Variants in ADCY7 observed in about 807,000 individuals in gnomAD.
ADCY7 encodes the protein adenylate cyclase 7.
ADCY7 carries 72 observed loss-of-function variants against 120.6 expected under a neutral mutation model. That is an observed-to-expected ratio of 0.60 (90% CI 0.49 to 0.73). The LOEUF is 0.73. Among genes scored for constraint, ADCY7 ranks in the 30% least tolerant of loss-of-function variants. The pLI, the probability that ADCY7 is intolerant of heterozygous loss-of-function variation, is 0.00. For synonymous variants in ADCY7, 661 were observed against 628.0 expected, an observed-to-expected ratio of 1.05 and a Z score of -0.78; for missense variants, 1,227 against 1,486.0, an observed-to-expected ratio of 0.83 and a Z score of 2.87.
intron 15 of ADCY7, 88 bp downstream of exon 15, chr16:50,307,235 G>T: frequency 7.6e-7 from 1 of 1,319,586 alleles, no homozygotes; most frequent in Non-Finnish European, 1.1e-6. Flanking sequence ...TGTGTGATTT[G>T]GGCTGGAAGG....
At position 50,304,939 on chromosome 16, in the gene ADCY7, C is replaced by T; in HGVS notation, c.1575C>T (p.Arg525=). The T allele has an allele frequency of 1.2e-6, 2 of 1,613,568 alleles. No individual in the cohort carries two copies. The highest frequency in any genetic ancestry group is 2.2e-5 in the East Asian group (1 of 44,872). Residue 525 remains arginine (R), a synonymous_variant, in exon 12 of 26, where the codon CGC becomes CGT. Transcript: ENST00000673801. ...TTCCCTTTCAGAGCGTTCCCCAGCG[C>T]CACCGCCGGACCCCAGACAGGTGCG... ...NGRRPKSVPQ[R]HRRTPDRSMS...
Position 50,313,938 on chromosome 16 carries a change from C to T in ADCY7, c.2752-20C>T, listed in dbSNP as rs113350032. 8.7e-5 allele frequency: 140 copies of T among 1,600,308 alleles called. No homozygotes were observed. Among genetic ancestry groups the T allele is most frequent in the Middle Eastern group, 5.0e-4 (3 of 5,974 alleles). On this transcript the variant is annotated intron_variant, in intron 22 of 25. Coordinates refer to ENST00000673801, the MANE Select transcript of ADCY7 (RefSeq NM_001114.5). Reference sequence around the variant, plus strand: ...GGCTATGGAGTGGCGGCTGCTTCACCGCTTCCTTCTTGCCTGCAGCTCCTA... The same window carrying T: ...GGCTATGGAGTGGCGGCTGCTTCACTGCTTCCTTCTTGCCTGCAGCTCCTA...
rs370811647 is a variant in ADCY7, at chr16:50,311,967, TAGG to T, written c.2449-66_2449-64del. 1.7e-4 allele frequency: 265 copies of T among 1,596,866 alleles called. No individual in the cohort carries two copies. The East Asian group carries it at 4.5e-3, about 27-fold the overall frequency. On this transcript the variant is annotated intron_variant, in intron 20 of 25. Transcript: ENST00000673801. ...GACGCCAGGGACAGACAGACCTGGC[TAGG>T]AGATGCACAGCAGCACGGCTCCCAC...
chr16:50,308,853 G>T (rs367774893), intron 17 of ADCY7, 61 bp downstream of exon 17: 9 of 1,531,506 alleles, frequency 5.9e-6, no homozygotes, highest in Middle Eastern at 3.5e-4. Context: ...GATTTGGGAC[G>T]CCTACAATGT....
chr16:50,311,400 C>T (rs1409534090), intron 19 of ADCY7, among the ~76,000 whole-genome samples: 2 of 152,208 alleles, frequency 1.3e-5, no homozygotes, highest in Admixed American at 6.5e-5. Flanking sequence ...CACCCCACCC[C>T]GCCTGCCACT....
At chr16:50,248,139 A>C (rs528377671) in intron 1 of ADCY7, among the ~76,000 whole-genome samples, 1 of 152,316 alleles carries the variant, frequency 6.6e-6, no homozygotes, top group East Asian at 1.9e-4. Flanking sequence ...CACATCAGCG[A>C]GCCTGAGCTC....
chr16:50,305,830 A>T lies in ADCY7; in HGVS notation c.1733A>T (p.Glu578Val). ...DFYTFGSIFLEKGFEREYRLA... is the reference protein window; with the variant it reads ...DFYTFGSIFLVKGFEREYRLA... Reference sequence around the variant, plus strand: ...TACACCTTTGGGTCCATCTTCCTGGAGAAGGGCTTTGAGCGCGAGGTGAGG... The same window carrying T: ...TACACCTTTGGGTCCATCTTCCTGGTGAAGGGCTTTGAGCGCGAGGTGAGG... The change falls in exon 14 of 26, where the codon GAG (glutamate) becomes GTG (valine). Residue 578 changes from glutamate (E) to valine (V), a missense_variant. Physicochemically the swap from Glu to Val is moderately radical, Grantham distance 121. Coordinates refer to ENST00000673801, the MANE Select transcript of ADCY7 (RefSeq NM_001114.5). The T allele has an allele frequency of 1.2e-6, 2 of 1,613,826 alleles. No individual in the cohort carries two copies. Among genetic ancestry groups the T allele is most frequent in the Non-Finnish European group, 1.7e-6 (2 of 1,179,982 alleles).
At chr16:50,245,747 G>C (rs960519273), upstream of ADCY7, among the ~76,000 whole-genome samples, 3 of 152,132 alleles carry the variant, frequency 2.0e-5, no homozygotes, top group African/African-American at 7.2e-5. Context: ...CGCTCCTGCA[G>C]GGGGAGGGGA....
chr16:50,308,006 A>C (rs115907147), intron 15 of ADCY7, among the ~76,000 whole-genome samples: 3 of 151,988 alleles, frequency 2.0e-5, no homozygotes, highest in East Asian at 1.9e-4. Context: ...AAAAAAAAAA[A>C]AAAAAAAAAA....
intron 1 of ADCY7, among the ~76,000 whole-genome samples, chr16:50,255,491 ATTTG>A (rs1049480610): frequency 3.3e-5 from 5 of 150,006 alleles, no homozygotes; most frequent in East Asian, 2.0e-4. Context: ...CAGCCCAATG[ATTTG>A]TTTGTTTGTT....
chr16:50,261,428 AGGTGGG>A, intron 1 of ADCY7, among the ~76,000 whole-genome samples: 3 of 152,316 alleles, frequency 2.0e-5, no homozygotes, highest in Admixed American at 2.0e-4. Flanking sequence ...GAGTTGGGCC[AGGTGGG>A]GGTCCCCGAG....
intron 1 of ADCY7, among the ~76,000 whole-genome samples, chr16:50,256,237 C>T (rs2032915210): frequency 1.3e-5 from 2 of 152,096 alleles, no homozygotes; most frequent in African/African-American, 4.8e-5. Context: ...ACAACAACAA[C>T]AAACCCAATT....
rs199712113 is a variant in ADCY7, at chr16:50,291,883, C to T, written c.523C>T (p.Arg175Trp). Reference sequence around the variant, plus strand: ...GGGAGGCTTCACGACACCCAGTGTCCGGGTGGGGCTGCAGGTGAGGGATGG... The same window carrying T: ...GGGAGGCTTCACGACACCCAGTGTCTGGGTGGGGCTGCAGGTGAGGGATGG... ...LMGGFTTPSV[R>W]VGLQLLANAV... is the part of the protein sequence containing the mutation. Residue 175 changes from arginine (R) to tryptophan (W), a missense_variant, in exon 4 of 26, where the codon CGG becomes TGG. By Grantham distance (101) the Arg-to-Trp change is moderately radical. Transcript: ENST00000673801. The T allele has an allele frequency of 9.3e-5, 150 of 1,611,432 alleles. No individual in the cohort carries two copies. The highest frequency in any genetic ancestry group is 1.2e-4 in the Non-Finnish European group (139 of 1,178,458).
At chr16:50,284,239 C>A (rs1036758276) in intron 1 of ADCY7, among the ~76,000 whole-genome samples, 1 of 152,144 alleles carries the variant, frequency 6.6e-6, no homozygotes, top group African/African-American at 2.4e-5. Context: ...TCACGGTGCC[C>A]GGCTTGTTCC....
At chr16:50,296,157 G>A (rs1260684740) in intron 7 of ADCY7, among the ~76,000 whole-genome samples, 3 of 152,050 alleles carry the variant, frequency 2.0e-5, no homozygotes, top group East Asian at 1.9e-4. Flanking sequence ...GGGCTCAGGC[G>A]TCCTCCCACT....
At chr16:50,258,994 G>A (rs2032991645) in intron 1 of ADCY7, among the ~76,000 whole-genome samples, 1 of 152,108 alleles carries the variant, frequency 6.6e-6, no homozygotes, top group Non-Finnish European at 1.5e-5. Context: ...CCCATCTCAG[G>A]GCATTGTTTT....
rs1395527125 is a variant in ADCY7, at chr16:50,278,922, A to T, written c.-268-8990A>T. 2.1e-5 allele frequency among the ~76,000 whole-genome samples: 3 copies of T among 143,580 alleles called. No individual in the cohort carries two copies. The Admixed American group carries it at 2.2e-4, about 10-fold the overall frequency. 94.2% of individuals were successfully genotyped at this position (143,580 alleles called of 152,430 possible). A position where few individuals can be genotyped will look rare whatever the true frequency, so the allele number is the denominator to read the frequency against. ...AGCCTCACTCTGTTGCCCAGGCTGG[A>T]GTACAGTGGTGCAATCCCATCTCAC... On this transcript the variant is annotated intron_variant, in intron 1 of 25. Transcript: ENST00000673801.
In ADCY7 at chr16:50,309,529, G is replaced by C. The variant is rs1430874627; in HGVS notation, c.2062-19G>C. 2 of 1,609,560 alleles carry C rather than the reference G, an allele frequency of 1.2e-6. No homozygotes were observed. Among genetic ancestry groups the C allele is most frequent in the Non-Finnish European group, 1.7e-6 (2 of 1,176,248 alleles). Reference sequence around the variant, plus strand: ...AGCGTTCTTGTCCCTGGACTGATGGGGACCTGTCTCCTCTACAGCCCCTGA... The same window carrying C: ...AGCGTTCTTGTCCCTGGACTGATGGCGACCTGTCTCCTCTACAGCCCCTGA... On this transcript the variant is annotated intron_variant, in intron 17 of 25. Transcript: ENST00000673801.
At chr16:50,304,779 C>T in intron 11 of ADCY7, 146 bp from the exon 12 acceptor site, 1 of 1,167,090 alleles carries the variant, frequency 8.6e-7, no homozygotes, top group Non-Finnish European at 1.3e-6. Flanking sequence ...CCACGCTCAG[C>T]TATAGTCAGG....
Sources: allele counts gnomAD v4.1 joint callset (sites outside exome capture counted in the v4.1 genomes callset), GRCh38; gene constraint gnomAD v4.1.1; transcripts MANE v1.5; gene names NCBI Gene and HGNC (gene_info 2026-07-23, HGNC 2026-07-21).